Variants in PLCXD3 observed in about 807,000 individuals in gnomAD.
PLCXD3 encodes the protein phosphatidylinositol specific phospholipase C X domain containing 3.
PLCXD3 carries 19 observed loss-of-function variants against 25.5 expected under a neutral mutation model. The observed-to-expected ratio is 0.75, with a 90% confidence interval of 0.52 to 1.09. The LOEUF (loss-of-function observed/expected upper bound fraction) is 1.09. PLCXD3 is among the 50% of genes least tolerant of loss of function. The probability of loss-of-function intolerance (pLI) is 0.00; values close to 1 mark genes in which losing one functional copy is unlikely to be tolerated. For missense variants in PLCXD3, 411 were observed against 388.1 expected, an observed-to-expected ratio of 1.06 and a Z score of -0.50; for synonymous variants, 174 against 137.6, an observed-to-expected ratio of 1.26 and a Z score of -1.85.
intron 2 of PLCXD3, among the ~76,000 whole-genome samples, chr5:41,352,788 T>C (rs968907234): frequency 2.6e-4 from 39 of 151,436 alleles, no homozygotes; most frequent in Non-Finnish European, 4.6e-4. Flanking sequence ...AGCTGAGTAA[T>C]TTTTTTTTAA....
chr5:41,475,742 C>G (rs775612210), intron 1 of PLCXD3: 15 of 534,408 alleles, frequency 2.8e-5, no homozygotes, highest in Non-Finnish European at 3.8e-6. Context: ...ACAAGAGTTA[C>G]TTCTGTTACT....
intron 1 of PLCXD3, among the ~76,000 whole-genome samples, chr5:41,400,333 C>A (rs1221841385): frequency 6.6e-6 from 1 of 152,050 alleles, no homozygotes; most frequent in African/African-American, 2.4e-5. Context: ...CATCCCACTG[C>A]TGGGTATATA....
intron 2 of PLCXD3, among the ~76,000 whole-genome samples, chr5:41,379,984 A>T (rs1745407935): frequency 1.3e-5 from 2 of 152,084 alleles, no homozygotes; most frequent in Non-Finnish European, 2.9e-5. Flanking sequence ...AGTCCCGGCT[A>T]ATGGACCATT....
chr5:41,477,321 C>T (rs1345494869), intron 1 of PLCXD3, among the ~76,000 whole-genome samples: 1 of 152,062 alleles, frequency 6.6e-6, no homozygotes, highest in African/African-American at 2.4e-5. Flanking sequence ...TGTCAATAAA[C>T]ATTTAAAAAC....
intron 2 of PLCXD3, among the ~76,000 whole-genome samples, chr5:41,353,786 G>A (rs1057380491): frequency 6.6e-6 from 1 of 152,174 alleles, no homozygotes. Context: ...GGAGACTTAG[G>A]AGTTGGTGGT....
chr5:41,450,202 G>T (rs973845691), intron 1 of PLCXD3, among the ~76,000 whole-genome samples: 5 of 152,200 alleles, frequency 3.3e-5, no homozygotes, highest in African/African-American at 7.2e-5. Context: ...AACTGGGAGG[G>T]TGCTGTATAA....
chr5:41,382,099 C>T lies in PLCXD3; in HGVS notation c.539G>A (p.Ser180Asn), dbSNP rs1244542646. Residue 180 changes from serine (S) to asparagine (N), a missense_variant, in exon 2 of 3, where the codon AGT becomes AAT. Ser to Asn is a conservative substitution (Grantham distance 46). Coordinates refer to ENST00000377801, the MANE Select transcript of PLCXD3 (RefSeq NM_001005473.3). ...GTCCTTCTCCCACAGGTACTTTAAA[C>T]TAACTTCCTGGGCAAAAATCGCTGG... ...MCPAIFAQEV[S>N]LKYLWEKDYQ... 4 of 1,613,646 alleles carry T rather than the reference C, an allele frequency of 2.5e-6. No individual in the cohort carries two copies. The Admixed American group carries it at 6.7e-5, about 27-fold the overall frequency.
intron 1 of PLCXD3, among the ~76,000 whole-genome samples, chr5:41,477,173 C>A (rs1748300646): frequency 2.6e-5 from 4 of 152,048 alleles, no homozygotes; most frequent in Admixed American, 6.5e-5. Flanking sequence ...TTCTCTGGGC[C>A]TCAGTTCTCC....
intron 2 of PLCXD3, among the ~76,000 whole-genome samples, chr5:41,369,635 C>T (rs116474524): frequency 6.4e-4 from 98 of 152,130 alleles, no homozygotes; most frequent in Middle Eastern, 3.4e-3. Context: ...TGGCCACCAC[C>T]ATGTCCAGCT....
At chr5:41,375,287 T>C (rs1405936959) in intron 2 of PLCXD3, among the ~76,000 whole-genome samples, 1 of 152,136 alleles carries the variant, frequency 6.6e-6, no homozygotes, top group Non-Finnish European at 1.5e-5. Flanking sequence ...CCATGCAGTG[T>C]TGAGTGCAGT....
At chr5:41,386,715 G>A (rs770660821) in intron 1 of PLCXD3, among the ~76,000 whole-genome samples, 4 of 151,916 alleles carry the variant, frequency 2.6e-5, no homozygotes, top group African/African-American at 7.2e-5. Flanking sequence ...AAGGCCATAC[G>A]GCAATGGAAG....
At chr5:41,400,038 A>G (rs1282571405) in intron 1 of PLCXD3, among the ~76,000 whole-genome samples, 3 of 152,174 alleles carry the variant, frequency 2.0e-5, no homozygotes, top group Non-Finnish European at 4.4e-5. Flanking sequence ...AGAGCTGAAT[A>G]GACACTTCTC....
At chr5:41,402,371 C>T in intron 1 of PLCXD3, among the ~76,000 whole-genome samples, 1 of 150,384 alleles carries the variant, frequency 6.6e-6, no homozygotes, top group African/African-American at 2.4e-5. Context: ...TGTTATTTTC[C>T]AAATATTTAT....
At chr5:41,393,859 G>T (rs1420772401) in intron 1 of PLCXD3, among the ~76,000 whole-genome samples, 2 of 152,066 alleles carry the variant, frequency 1.3e-5, no homozygotes, top group Non-Finnish European at 2.9e-5. Flanking sequence ...GAACCCAGGA[G>T]GCAGAGCTTG....
At chr5:41,401,443 G>GA (rs1746183529) in intron 1 of PLCXD3, among the ~76,000 whole-genome samples, 1 of 152,100 alleles carries the variant, frequency 6.6e-6, no homozygotes, top group Admixed American at 6.6e-5. Context: ...ACTACTTGTT[G>GA]AAAAAACTGT....
At chr5:41,450,627 A>G (rs190634215) in intron 1 of PLCXD3, among the ~76,000 whole-genome samples, 31 of 152,134 alleles carry the variant, frequency 2.0e-4, no homozygotes, top group African/African-American at 7.2e-4. Flanking sequence ...CTCTTTTCCA[A>G]TTTCACTCTC....
chr5:41,420,213 T>C (rs912183978), intron 1 of PLCXD3, among the ~76,000 whole-genome samples: 22 of 152,110 alleles, frequency 1.4e-4, no homozygotes, highest in African/African-American at 5.3e-4. Flanking sequence ...AAGAAAGAAC[T>C]CCTAAATATA....
chr5:41,482,604 GCAAA>G (rs1002180338), intron 1 of PLCXD3, among the ~76,000 whole-genome samples: 2 of 152,158 alleles, frequency 1.3e-5, no homozygotes, highest in African/African-American at 4.8e-5. Context: ...AACAAGAGGA[GCAAA>G]CAAACTTATT....
intron 2 of PLCXD3, among the ~76,000 whole-genome samples, chr5:41,345,278 C>T (rs1305497131): frequency 6.6e-6 from 1 of 152,156 alleles, no homozygotes; most frequent in East Asian, 1.9e-4. Flanking sequence ...ATTCAGAGAT[C>T]TAGTCTAACC....
Sources: allele counts gnomAD v4.1 joint callset (sites outside exome capture counted in the v4.1 genomes callset), GRCh38; gene constraint gnomAD v4.1.1; transcripts MANE v1.5; gene names NCBI Gene and HGNC (gene_info 2026-07-23, HGNC 2026-07-21).